Variants in HS6ST3 observed in about 807,000 individuals in gnomAD.
The protein encoded by HS6ST3 is heparan sulfate 6-O-sulfotransferase 3.
Under a neutral mutation model 36.7 loss-of-function variants are expected in HS6ST3, and 12 were observed. The ratio of observed to expected loss-of-function variants is 0.33; its 90% CI spans 0.21 to 0.53. The LOEUF (loss-of-function observed/expected upper bound fraction) is 0.53, where lower values mean the gene tolerates loss of function less well. Among genes scored for constraint, HS6ST3 ranks in the 20% least tolerant of loss-of-function variants. HS6ST3 has a pLI of 0.95. For missense variants in HS6ST3, 584 were observed against 640.9 expected (o/e 0.91, Z 0.96); for synonymous variants, 240 against 257.5 (o/e 0.93, Z 0.65).
chr13:96,307,303 C>T (rs564764612), intron 1 of HS6ST3, among the ~76,000 whole-genome samples: 1 of 152,072 alleles, frequency 6.6e-6, no homozygotes, highest in East Asian at 1.9e-4. Context: ...AACATATCCT[C>T]GAAACAGAGA....
At chr13:96,450,560 C>T (rs1450134338) in intron 1 of HS6ST3, among the ~76,000 whole-genome samples, 1 of 152,162 alleles carries the variant, frequency 6.6e-6, no homozygotes, top group Non-Finnish European at 1.5e-5. Context: ...ACCCTGGAGA[C>T]AGGCCATCTC....
intron 1 of HS6ST3, among the ~76,000 whole-genome samples, chr13:96,238,433 T>C (rs1040411592): frequency 4.6e-5 from 7 of 152,214 alleles, no homozygotes; most frequent in Admixed American, 4.6e-4. Flanking sequence ...ATAGGCTCTT[T>C]ATGATGGCCG....
intron 1 of HS6ST3, among the ~76,000 whole-genome samples, chr13:96,602,655 T>C (rs2056425789): frequency 6.6e-6 from 1 of 152,164 alleles, no homozygotes; most frequent in East Asian, 1.9e-4. Context: ...CCAGCAGTAG[T>C]GTGGCTCAGA....
At chr13:96,484,125 A>G (rs564780757) in intron 1 of HS6ST3, among the ~76,000 whole-genome samples, 39 of 152,176 alleles carry the variant, frequency 2.6e-4, no homozygotes, top group African/African-American at 9.2e-4. Flanking sequence ...CCAGTACTAC[A>G]GTCTTGATTA....
intron 1 of HS6ST3, among the ~76,000 whole-genome samples, chr13:96,237,073 T>G (rs773020134): frequency 1.3e-5 from 2 of 152,130 alleles, no homozygotes; most frequent in Non-Finnish European, 2.9e-5. Flanking sequence ...TCAGATCTCA[T>G]GAGAAGTTGC....
intron 1 of HS6ST3, among the ~76,000 whole-genome samples, chr13:96,490,275 G>A (rs1027408368): frequency 3.3e-5 from 5 of 152,130 alleles, no homozygotes; most frequent in African/African-American, 1.2e-4. Context: ...ATGGTGTTTA[G>A]CAGAATAAGG....
intron 1 of HS6ST3, among the ~76,000 whole-genome samples, chr13:96,434,232 CA>C (rs929728745): frequency 9.2e-5 from 14 of 152,162 alleles, no homozygotes; most frequent in African/African-American, 3.4e-4. Context: ...AGTATACCCC[CA>C]GGTTGCAGTA....
At chr13:96,698,388 T>G (rs1875190848) in intron 1 of HS6ST3, among the ~76,000 whole-genome samples, 1 of 152,214 alleles carries the variant, frequency 6.6e-6, no homozygotes, top group Non-Finnish European at 1.5e-5. Flanking sequence ...TCATTTTTTA[T>G]GACTGCATAG....
intron 1 of HS6ST3, among the ~76,000 whole-genome samples, chr13:96,400,863 C>T (rs907434589): frequency 1.3e-5 from 2 of 152,066 alleles, no homozygotes; most frequent in Non-Finnish European, 1.5e-5. Context: ...TTTTCTTTTC[C>T]TCCCCTGAAG....
chr13:96,192,505 C>T (rs1487082229), intron 1 of HS6ST3, among the ~76,000 whole-genome samples: 8 of 151,924 alleles, frequency 5.3e-5, no homozygotes, highest in Admixed American at 2.6e-4. Flanking sequence ...TCCATGTGTA[C>T]CCATTGTTTA....
At chr13:96,145,792 A>G (rs915755363) in intron 1 of HS6ST3, among the ~76,000 whole-genome samples, 1 of 152,200 alleles carries the variant, frequency 6.6e-6, no homozygotes, top group Non-Finnish European at 1.5e-5. Flanking sequence ...TTTAGGTCTA[A>G]CATATAAGTC....
intron 1 of HS6ST3, among the ~76,000 whole-genome samples, chr13:96,573,456 G>C (rs1021176314): frequency 1.3e-5 from 2 of 152,116 alleles, no homozygotes; most frequent in African/African-American, 4.8e-5. Flanking sequence ...GTCCCTGCAA[G>C]AGCATCTGGG....
At chr13:96,510,416 G>C (rs2056044902) in intron 1 of HS6ST3, among the ~76,000 whole-genome samples, 1 of 152,120 alleles carries the variant, frequency 6.6e-6, no homozygotes, top group Non-Finnish European at 1.5e-5. Context: ...GTGTTGAATA[G>C]GAGTGGTGAA....
chr13:96,589,262 T>A (rs1022935815), intron 1 of HS6ST3, among the ~76,000 whole-genome samples: 2 of 152,096 alleles, frequency 1.3e-5, no homozygotes, highest in Non-Finnish European at 2.9e-5. Context: ...TTCTTCATAA[T>A]TCAGTCTGAG....
intron 1 of HS6ST3, among the ~76,000 whole-genome samples, chr13:96,482,138 C>T (rs1451026330): frequency 6.6e-6 from 1 of 152,240 alleles, no homozygotes; most frequent in Non-Finnish European, 1.5e-5. Flanking sequence ...GTCTCACACA[C>T]TGGATGCCTT....
chr13:96,764,096 T>C (rs1310759289), intron 1 of HS6ST3, among the ~76,000 whole-genome samples: 1 of 152,226 alleles, frequency 6.6e-6, no homozygotes, highest in Non-Finnish European at 1.5e-5. Context: ...TTCACGTCTT[T>C]AGATTCTAAG....
chr13:96,330,968 A>G (rs1389392069), intron 1 of HS6ST3, among the ~76,000 whole-genome samples: 2 of 151,634 alleles, frequency 1.3e-5, no homozygotes, highest in Non-Finnish European at 2.9e-5. Context: ...CTTCCAGTTG[A>G]TCGCATCGGC....
rs552745104 is a variant in HS6ST3, at chr13:96,823,670, A to T, written c.708-8820A>T. On this transcript the variant is annotated intron_variant, in intron 1 of 1. Transcript: ENST00000376705. ...AGTCTCACTCTGGTGTCCAGGCTGGAGTGCAGTGGTGCAATCTCGGCTCAC... is the reference window on the plus strand; with the variant it reads ...AGTCTCACTCTGGTGTCCAGGCTGGTGTGCAGTGGTGCAATCTCGGCTCAC... Among the ~76,000 whole-genome samples the T allele has an allele frequency of 2.0e-5, 3 of 151,820 alleles. No homozygotes were observed. In the East Asian group the frequency reaches 5.8e-4, roughly 29 times the overall value.
At chr13:96,656,979 G>GTA (rs2056627580) in intron 1 of HS6ST3, among the ~76,000 whole-genome samples, 3 of 133,830 alleles carry the variant, frequency 2.2e-5, no homozygotes, top group African/African-American at 8.3e-5. Context: ...GTGTGTGTGT[G>GTA]TGTGTGTGTG....
Sources: gnomAD v4.1 joint callset for allele counts (sites outside exome capture counted in the v4.1 genomes callset) on GRCh38, gnomAD v4.1.1 for gene constraint, MANE v1.5 for transcripts, NCBI Gene and HGNC (gene_info 2026-07-23, HGNC 2026-07-21) for gene names.